Variants in EPHA3 observed in about 807,000 individuals in gnomAD.
The protein encoded by EPHA3 is EPH receptor A3.
In EPHA3, 42 loss-of-function variants were observed where a neutral mutation model predicts 107.1. The observed-to-expected ratio is 0.39, with a 90% CI of 0.31 to 0.51. The LOEUF (loss-of-function observed/expected upper bound fraction) is 0.51, where lower values mean the gene tolerates loss of function less well. EPHA3 is among the 20% of genes least tolerant of loss of function. The pLI is 0.78. For synonymous variants in EPHA3, 461 were observed against 424.8 expected (o/e 1.09, Z -1.05); for missense variants, 1,183 against 1,211.2 (o/e 0.98, Z 0.35).
intron 2 of EPHA3, among the ~76,000 whole-genome samples, chr3:89,133,206 T>G (rs533645943): frequency 6.6e-6 from 1 of 152,294 alleles, no homozygotes; most frequent in Non-Finnish European, 1.5e-5. Context: ...TTGACAGTGT[T>G]GTGTGAAGTC....
At chr3:89,195,892 T>C (rs1705827091) in intron 2 of EPHA3, among the ~76,000 whole-genome samples, 1 of 152,156 alleles carries the variant, frequency 6.6e-6, no homozygotes, top group South Asian at 2.1e-4. Context: ...TTCCAAACCA[T>C]CTACATGGTC....
At chr3:89,201,925 C>A (rs554198036) in intron 2 of EPHA3, among the ~76,000 whole-genome samples, 10 of 152,234 alleles carry the variant, frequency 6.6e-5, no homozygotes, top group African/African-American at 2.4e-4. Flanking sequence ...CCCTATATTC[C>A]AATCGTACTG....
intron 1 of EPHA3, among the ~76,000 whole-genome samples, chr3:89,114,647 T>C (rs1202911662): frequency 6.6e-6 from 1 of 152,114 alleles, no homozygotes; most frequent in Non-Finnish European, 1.5e-5. Context: ...CTGATGCTCT[T>C]TTGCTCCGGG....
At chr3:89,161,131 A>C (rs1395034022) in intron 2 of EPHA3, among the ~76,000 whole-genome samples, 1 of 152,176 alleles carries the variant, frequency 6.6e-6, no homozygotes, top group Non-Finnish European at 1.5e-5. Flanking sequence ...TGAAAAAGAC[A>C]AACATTACTG....
intron 3 of EPHA3, among the ~76,000 whole-genome samples, chr3:89,241,198 T>C (rs1704886914): frequency 6.6e-6 from 1 of 152,078 alleles, no homozygotes; most frequent in African/African-American, 2.4e-5. Flanking sequence ...TTTTTGTTTT[T>C]CCTTAGGAAG....
intron 3 of EPHA3, among the ~76,000 whole-genome samples, chr3:89,219,696 TTTTTTTGTTTTTTG>T (rs1196612620): frequency 0.023 from 284 of 12,488 alleles, 60 homozygotes; most frequent in African/African-American, 0.062. Context: ...ATGTTTTTTT[TTTTTTTGTTTTTTG>T]TTTTTTTTTT....
At chr3:89,138,121 C>A (rs1576176511) in intron 2 of EPHA3, among the ~76,000 whole-genome samples, 1 of 151,936 alleles carries the variant, frequency 6.6e-6, no homozygotes, top group East Asian at 1.9e-4. Context: ...TTCATCTCAA[C>A]CTCTAAATAC....
Position 89,479,768 on chromosome 3 carries a change from G to A in EPHA3, c.*266G>A. On this transcript the variant is annotated 3_prime_UTR_variant, in exon 17 of 17. Coordinates refer to ENST00000336596, the MANE Select transcript of EPHA3 (RefSeq NM_005233.6). Reference sequence around the variant, plus strand: ...TAAATTTAATTCTTCAGCGTAAAATGGTGAAGAACTAGCATATAGCCATTG... The same window carrying A: ...TAAATTTAATTCTTCAGCGTAAAATAGTGAAGAACTAGCATATAGCCATTG... 1 of 388,284 alleles carries A rather than the reference G, an allele frequency of 2.6e-6. No individual in the cohort carries two copies. The highest frequency in any genetic ancestry group is 4.0e-5 in the East Asian group (1 of 25,088). The allele number at this position is 388,284 out of a possible 1,614,324, so 24.1% of individuals were successfully genotyped here.
At position 89,300,379 on chromosome 3, in the gene EPHA3, A is replaced by T. The variant is rs1576298219; in HGVS notation, c.815-40537A>T. ...TTAATATGTAAAGTATATGTTTCAA[A>T]CTTATATACGTAAAGTTTGATATAT... is the stretch of plus-strand genomic sequence containing the variant. On this transcript the variant is annotated intron_variant, in intron 3 of 16. Coordinates refer to ENST00000336596, the MANE Select transcript of EPHA3 (RefSeq NM_005233.6). Among the ~76,000 whole-genome samples, 3 of 152,162 alleles carry T rather than the reference A, an allele frequency of 2.0e-5. No homozygotes were observed. The East Asian group carries it at 5.8e-4, about 29-fold the overall frequency.
rs530921207 is a variant in EPHA3, at chr3:89,280,359, A to C, written c.815-60557A>C. 2.6e-5 allele frequency among the ~76,000 whole-genome samples: 4 copies of C among 152,252 alleles called. No homozygotes were observed. The East Asian group carries it at 7.7e-4, about 29-fold the overall frequency. Reference sequence around the variant, plus strand: ...ATATAGAGAGTATCTCAGAGTTAATAGTAATCAATAAAAAGCCTCCAGAGG... The same window carrying C: ...ATATAGAGAGTATCTCAGAGTTAATCGTAATCAATAAAAAGCCTCCAGAGG... On this transcript the variant is annotated intron_variant, in intron 3 of 16. Transcript: ENST00000336596.
At chr3:89,435,257 A>G (rs1406863521) in intron 13 of EPHA3, among the ~76,000 whole-genome samples, 1 of 151,626 alleles carries the variant, frequency 6.6e-6, no homozygotes, top group African/African-American at 2.4e-5. Context: ...TTAATCAAAC[A>G]TTTTTAAGCA....
chr3:89,210,029 G>A lies in EPHA3; in HGVS notation c.323G>A (p.Ser108Asn). The A allele has an allele frequency of 6.2e-7, 1 of 1,614,018 alleles. No individual in the cohort carries two copies. Among genetic ancestry groups the A allele is most frequent in the Non-Finnish European group, 8.5e-7 (1 of 1,179,944 alleles). The stretch of plus-strand genomic sequence containing the variant: ...AAGTTCACTCTACGAGACTGCAATA[G>A]CATTCCATTGGTTTTAGGAACTTGC... ...ELKFTLRDCNSIPLVLGTCKE... is the reference protein window; with the variant it reads ...ELKFTLRDCNNIPLVLGTCKE... Residue 108 changes from serine to asparagine, a missense_variant, in exon 3 of 17, where the codon AGC becomes AAC. By Grantham distance (46) the Ser-to-Asn change is conservative. Transcript: ENST00000336596.
chr3:89,272,391 T>G (rs2107300189), intron 3 of EPHA3, among the ~76,000 whole-genome samples: 1 of 152,114 alleles, frequency 6.6e-6, no homozygotes, highest in Middle Eastern at 3.4e-3. Context: ...GTCACACAGC[T>G]GTGGTTGTAT....
intron 2 of EPHA3, among the ~76,000 whole-genome samples, chr3:89,193,578 G>T (rs1705768198): frequency 6.6e-6 from 1 of 151,628 alleles, no homozygotes; most frequent in Non-Finnish European, 1.5e-5. Context: ...CTAGAAGGAG[G>T]ATATTGAACA....
chr3:89,441,591 A>G (rs1709788509), intron 13 of EPHA3, among the ~76,000 whole-genome samples: 1 of 152,192 alleles, frequency 6.6e-6, no homozygotes, highest in African/African-American at 2.4e-5. Context: ...TAAAGCATCT[A>G]CATTTTAAAA....
chr3:89,402,789 G>T (rs1306955790), intron 7 of EPHA3, among the ~76,000 whole-genome samples: 1 of 152,034 alleles, frequency 6.6e-6, no homozygotes, highest in Non-Finnish European at 1.5e-5. Context: ...TCCGCCTCCT[G>T]GGTTCAAGCG....
chr3:89,407,405 T>C (rs3792572), intron 8 of EPHA3, 34 bp downstream of exon 8: 1 of 1,545,828 alleles, frequency 6.5e-7, no homozygotes, highest in Non-Finnish European at 8.9e-7. Flanking sequence ...ATTCACTTTC[T>C]TTGTTGCTTT....
chr3:89,316,505 A>AATATATATATATATATATATATATATAT (rs58576798), intron 3 of EPHA3, among the ~76,000 whole-genome samples: 1 of 104,134 alleles, frequency 9.6e-6, no homozygotes, highest in Non-Finnish European at 1.9e-5. Context: ...GTGTGTGTGT[A>AATATATATATATATATATATATATATAT]ATATATATAT....
chr3:89,181,950 A>G (rs2107120833), intron 2 of EPHA3, among the ~76,000 whole-genome samples: 1 of 151,918 alleles, frequency 6.6e-6, no homozygotes, highest in South Asian at 2.1e-4. Flanking sequence ...ATTTCATGTA[A>G]ACGTCTTAGG....
Sources: allele counts gnomAD v4.1 joint callset (sites outside exome capture counted in the v4.1 genomes callset), GRCh38; gene constraint gnomAD v4.1.1; transcripts MANE v1.5; gene names NCBI Gene and HGNC (gene_info 2026-07-23, HGNC 2026-07-21).